The following KLHL7 variants were observed in gnomAD, a reference collection of about 807,000 sequenced individuals.
KLHL7 encodes kelch-like protein 7.
KLHL7 carries 44 observed loss-of-function variants against 67.4 expected under a neutral mutation model. The observed-to-expected ratio is 0.65, with a 90% CI of 0.51 to 0.84. The LOEUF is 0.84. Ranked by LOEUF, KLHL7 falls within the 40% of genes least tolerant of loss-of-function variation. KLHL7 has a pLI of 0.00. For missense variants in KLHL7, 362 were observed against 718.1 expected (o/e 0.50, Z 5.67); for synonymous variants, 252 against 243.3 (o/e 1.04, Z -0.33).
At position 23,105,989 on chromosome 7, in the gene KLHL7, G is replaced by A. The variant is rs200506606; in HGVS notation, c.-38G>A. On this transcript the variant is annotated 5_prime_UTR_variant, in exon 1 of 11. Coordinates refer to ENST00000339077, the MANE Select transcript of KLHL7 (RefSeq NM_001031710.3). Reference sequence around the variant, plus strand: ...CCCAGAGAGTGCGACCCCTCGCCCGGCCCGGCGAGCCCCGGGCGTGAACCG... The same window carrying A: ...CCCAGAGAGTGCGACCCCTCGCCCGACCCGGCGAGCCCCGGGCGTGAACCG... 1.1e-4 allele frequency: 181 copies of A among 1,599,896 alleles called. 2 individuals are homozygous for A. The South Asian group carries it at 1.2e-3, about 10-fold the overall frequency.
rs913555793 is a variant in KLHL7 at position 23,153,944 on chromosome 7, A to G, written c.936+1735A>G. 5.3e-5 allele frequency among the ~76,000 whole-genome samples: 8 copies of G among 152,260 alleles called. No individual in the cohort carries two copies. In the East Asian group the frequency reaches 1.2e-3, roughly 22 times the overall value. ...AGATCAGGGCTCCACAGACTTTTCT[A>G]TAAAGGGCCAGAGTAAGTATTTTCA... On this transcript the variant is annotated intron_variant, in intron 7 of 10. Transcript: ENST00000339077.
chr7:23,113,023 C>T lies in KLHL7; in HGVS notation c.120+6877C>T, dbSNP rs1027368876. 5.9e-5 allele frequency among the ~76,000 whole-genome samples: 9 copies of T among 151,700 alleles called. No homozygotes were observed. The South Asian group carries it at 1.5e-3, about 25-fold the overall frequency. On this transcript the variant is annotated intron_variant, in intron 1 of 10. Coordinates refer to ENST00000339077, the MANE Select transcript of KLHL7 (RefSeq NM_001031710.3). ...TGTGATTAATCTCAGACAGGGGTGG[C>T]GGGGCAGTTCCTCTTCCATAAGAAG...
Position 23,174,765 on chromosome 7 carries a change from A to G in KLHL7, c.*467A>G. 1 of 454,764 alleles carries G rather than the reference A, an allele frequency of 2.2e-6. No individual in the cohort carries two copies. The highest frequency in any genetic ancestry group is 1.6e-5 in the South Asian group (1 of 64,470). The allele number at this position is 454,764 out of a possible 1,614,324, so 28.2% of individuals were successfully genotyped here. A position where few individuals can be genotyped will look rare whatever the true frequency, so the allele number is the denominator to read the frequency against. ...CTCAGATGGAGCAGCTTAGTCTCAC[A>G]GTTTGCTTGTCTATTTATTTTATTT... On this transcript the variant is annotated 3_prime_UTR_variant, in exon 11 of 11. Transcript: ENST00000339077.
intron 1 of KLHL7, among the ~76,000 whole-genome samples, chr7:23,115,853 C>A (rs1485961380): frequency 6.6e-6 from 1 of 152,074 alleles, no homozygotes; most frequent in Non-Finnish European, 1.5e-5. Context: ...AGGACTCATT[C>A]TTTTTCTTAG....
chr7:23,125,118 A>T lies in KLHL7; in HGVS notation c.388A>T (p.Lys130Ter). ...AANQYQIEPV[K>*]KMCVDFLKEQ... Reference sequence around the variant, plus strand: ...AAACCAATATCAGATTGAACCTGTGAAGAAAATGTGTGTTGATTTTTTGAA... The same window carrying T: ...AAACCAATATCAGATTGAACCTGTGTAGAAAATGTGTGTTGATTTTTTGAA... The change falls in exon 4 of 11, where the codon AAG (lysine) becomes TAG (stop). Residue 130 changes from lysine to a stop codon, truncating the protein, a stop_gained. Transcript: ENST00000339077. LOFTEE classifies it high-confidence loss of function. The T allele has an allele frequency of 6.2e-7, 1 of 1,613,368 alleles. No individual in the cohort carries two copies. The highest frequency in any genetic ancestry group is 2.2e-5 in the East Asian group (1 of 44,816).
At chr7:23,158,968 A>G (rs1309973302) in intron 7 of KLHL7, among the ~76,000 whole-genome samples, 3 of 152,234 alleles carry the variant, frequency 2.0e-5, no homozygotes, top group African/African-American at 7.2e-5. Context: ...AGAAAGAGAA[A>G]AGACTTAAAA....
chr7:23,175,966 A>AG lies in KLHL7; in HGVS notation c.*1668_*1669insG, dbSNP rs1264358693. On this transcript the variant is annotated 3_prime_UTR_variant, in exon 11 of 11. Transcript: ENST00000339077. ...ACAGAGCAAGACTAAAAAAAAAAAA[A>AG]AAAAAAAAAAAATGTATTATTCAGT... 6.6e-6 allele frequency: 1 copy of AG among 151,726 alleles called. No individual in the cohort carries two copies. The highest frequency in any genetic ancestry group is 2.4e-5 in the African/African-American group (1 of 41,274). 9.4% of individuals were successfully genotyped at this position (151,726 alleles called of 1,614,324 possible).
At chr7:23,117,081 C>CTTTTTTTTTTTTTTTTTTTTTTT (rs34692665) in intron 1 of KLHL7, among the ~76,000 whole-genome samples, 5 of 68,226 alleles carry the variant, frequency 7.3e-5, no homozygotes, top group Admixed American at 2.0e-4. Flanking sequence ...AGAGCCAGGC[C>CTTTTTTTTTTTTTTTTTTTTTTT]TTTTTTTTTT....
chr7:23,169,132 G>A (rs187620393), intron 9 of KLHL7, among the ~76,000 whole-genome samples: 87 of 152,168 alleles, frequency 5.7e-4, no homozygotes, highest in African/African-American at 2.0e-3. Flanking sequence ...GTTGTGGCGC[G>A]TGCCTGTAAT....
chr7:23,110,174 C>G (rs1429653290), intron 1 of KLHL7, among the ~76,000 whole-genome samples: 2 of 152,180 alleles, frequency 1.3e-5, no homozygotes, highest in African/African-American at 4.8e-5. Context: ...TCTCTAGATC[C>G]TCACTTTCAG....
At position 23,156,815 on chromosome 7, in the gene KLHL7, G is replaced by A. The variant is rs190962793; in HGVS notation, c.936+4606G>A. Among the ~76,000 whole-genome samples the A allele has an allele frequency of 1.1e-4, 16 of 152,268 alleles. No homozygotes were observed. The East Asian group carries it at 2.7e-3, about 26-fold the overall frequency. On this transcript the variant is annotated intron_variant, in intron 7 of 10. Coordinates refer to ENST00000339077, the MANE Select transcript of KLHL7 (RefSeq NM_001031710.3). ...GACTCATTACTGAGCTCAGTGTCTG[G>A]CACAGGGTGAGTACTCAAGTTTATA...
At chr7:23,173,678 G>C (rs1315494032) in intron 10 of KLHL7, among the ~76,000 whole-genome samples, 1 of 152,106 alleles carries the variant, frequency 6.6e-6, no homozygotes, top group Non-Finnish European at 1.5e-5. Flanking sequence ...GTGCTAAAAG[G>C]AGGAAAAAGA....
intron 1 of KLHL7, chr7:23,106,855 T>C: frequency 1.0e-6 from 1 of 979,588 alleles, no homozygotes; most frequent in Non-Finnish European, 1.2e-6. Flanking sequence ...GGCTTTTTTT[T>C]TTTTTAATTC....
intron 4 of KLHL7, among the ~76,000 whole-genome samples, chr7:23,134,128 A>G (rs1389018285): frequency 6.6e-6 from 1 of 152,102 alleles, no homozygotes; most frequent in Admixed American, 6.5e-5. Flanking sequence ...TGTTCCTTCT[A>G]TCCCCAGTTT....
chr7:23,130,428 A>G (rs900431369), intron 4 of KLHL7, among the ~76,000 whole-genome samples: 4 of 152,220 alleles, frequency 2.6e-5, no homozygotes, highest in African/African-American at 9.6e-5. Flanking sequence ...CTAGCCATAT[A>G]TGCTATATTT....
chr7:23,146,429 T>C (rs1443436322), intron 6 of KLHL7, among the ~76,000 whole-genome samples: 1 of 152,144 alleles, frequency 6.6e-6, no homozygotes, highest in Non-Finnish European at 1.5e-5. Flanking sequence ...GGAGTTTGTG[T>C]TTGTTTCTTG....
At chr7:23,168,452 T>A (rs1785065151) in intron 9 of KLHL7, among the ~76,000 whole-genome samples, 1 of 152,210 alleles carries the variant, frequency 6.6e-6, no homozygotes. Flanking sequence ...TCCCTAGTTC[T>A]TTTTAGGTGT....
rs558840549 is a variant in KLHL7 at position 23,126,463 on chromosome 7, A to G, written c.442+1291A>G. ...GGAGTGCTAGGAAAGCAGGGAGGAAAGAAAAGTAGAATGAAGGAAAGTATA... is the reference window on the plus strand; with the variant it reads ...GGAGTGCTAGGAAAGCAGGGAGGAAGGAAAAGTAGAATGAAGGAAAGTATA... On this transcript the variant is annotated intron_variant, in intron 4 of 10. Transcript: ENST00000339077. Among the ~76,000 whole-genome samples the G allele has an allele frequency of 1.7e-3, 259 of 152,336 alleles. 1 individual carries two copies. The highest frequency in any genetic ancestry group is 5.7e-3 in the African/African-American group (236 of 41,580).
chr7:23,151,714 A>G (rs1314153300), intron 6 of KLHL7, among the ~76,000 whole-genome samples: 1 of 152,204 alleles, frequency 6.6e-6, no homozygotes, highest in African/African-American at 2.4e-5. Flanking sequence ...GAGATTTTCT[A>G]GGTGATTCTA....
Sources: allele counts gnomAD v4.1 joint callset (sites outside exome capture counted in the v4.1 genomes callset), GRCh38; gene constraint gnomAD v4.1.1; transcripts MANE v1.5; gene names NCBI Gene and HGNC (gene_info 2026-07-23, HGNC 2026-07-21).